Variants in EDDM13 observed in about 807,000 individuals in gnomAD.
EDDM13 encodes the protein epididymal protein 13.
In EDDM13, 24 loss-of-function variants were observed where a neutral mutation model predicts 17.8. The observed-to-expected ratio is 1.35, with a 90% confidence interval of 0.98 to 1.90. The LOEUF (loss-of-function observed/expected upper bound fraction) is 1.90, where lower values mean the gene tolerates loss of function less well. Ranked by LOEUF, EDDM13 falls within the 40% of genes most tolerant of loss-of-function variation. The probability of loss-of-function intolerance (pLI) is 0.00; values close to 1 mark genes in which losing one functional copy is unlikely to be tolerated. For missense variants in EDDM13, 97 were observed against 100.8 expected (o/e 0.96, Z 0.16); for synonymous variants, 31 against 37.5 (o/e 0.83, Z 0.63).
chr19:56,281,330 C>T (rs1455169064), intron 2 of EDDM13, among the ~76,000 whole-genome samples: 3 of 148,560 alleles, frequency 2.0e-5, no homozygotes, highest in African/African-American at 7.5e-5. Flanking sequence ...TAGTTCAAAC[C>T]TGTATTGTTC....
intron 2 of EDDM13, among the ~76,000 whole-genome samples, chr19:56,279,339 T>G (rs2038504652): frequency 6.6e-6 from 1 of 152,174 alleles, no homozygotes; most frequent in Admixed American, 6.5e-5. Context: ...GCAGGGACTG[T>G]ACTTTACTCA....
chr19:56,276,008 T>TG (rs2038219794), intron 1 of EDDM13, among the ~76,000 whole-genome samples, 84 bp from the exon 2 acceptor site: 1 of 152,228 alleles, frequency 6.6e-6, no homozygotes, highest in South Asian at 2.1e-4. Context: ...TCTTGGTTAT[T>TG]GCACTGATCT....
intron 12 of EDDM13, among the ~76,000 whole-genome samples, chr19:56,298,809 C>T (rs1175756073): frequency 6.6e-6 from 1 of 152,092 alleles, no homozygotes; most frequent in African/African-American, 2.4e-5. Context: ...GGAAATCTTC[C>T]AGAAAATTAA....
At chr19:56,285,053 C>T (rs1600184066) in intron 6 of EDDM13, 29 bp downstream of exon 6, 1 of 983,142 alleles carries the variant, frequency 1.0e-6, no homozygotes, top group Non-Finnish European at 1.2e-6. Flanking sequence ...TCTTTTAAAC[C>T]TGGTCTTTCT....
At chr19:56,297,365 T>C (rs932043596) in intron 11 of EDDM13, 140 bp from the exon 12 acceptor site, 1 of 165,428 alleles carries the variant, frequency 6.0e-6, no homozygotes, top group African/African-American at 2.4e-5. Flanking sequence ...TCTCCTCCTC[T>C]TCCTCTTCCT....
chr19:56,297,122 G>A (rs1043518540), intron 11 of EDDM13, among the ~76,000 whole-genome samples: 1 of 152,078 alleles, frequency 6.6e-6, no homozygotes, highest in Non-Finnish European at 1.5e-5. Flanking sequence ...GTGAGCAAAG[G>A]CTTGAAGAAG....
At chr19:56,288,262 C>G (rs577841572) in intron 6 of EDDM13, among the ~76,000 whole-genome samples, 123 bp from the exon 7 acceptor site, 1 of 152,186 alleles carries the variant, frequency 6.6e-6, no homozygotes, top group African/African-American at 2.4e-5. Context: ...CTCCTTCAAG[C>G]CCCCGGCAGC....
Position 56,302,064 on chromosome 19 carries a change from A to G in EDDM13, c.392A>G (p.Tyr131Cys), listed in dbSNP as rs908571623. ...FLKCAYMVMT[Y>C]LFVSYNKGDW... The stretch of plus-strand genomic sequence containing the variant: ...AAATGCGCCTACATGGTGATGACCT[A>G]CCTCTTCGTATCCTACAACAAAGGG... The change falls in exon 13 of 15, where the codon TAC (tyrosine) becomes TGC (cysteine). Residue 131 changes from tyrosine to cysteine, a missense_variant. Physicochemically the swap from Tyr to Cys is radical, Grantham distance 194 (BLOSUM62 -2). Transcript: ENST00000649256. 3.2e-6 allele frequency: 4 copies of G among 1,231,646 alleles called. No homozygotes were observed. The African/African-American group carries it at 4.7e-5, about 14-fold the overall frequency. The allele number at this position is 1,231,646 out of a possible 1,614,324, so 76.3% of individuals were successfully genotyped here.
At chr19:56,279,980 C>T (rs987285399) in intron 2 of EDDM13, among the ~76,000 whole-genome samples, 2 of 151,968 alleles carry the variant, frequency 1.3e-5, no homozygotes, top group African/African-American at 4.8e-5. Flanking sequence ...AATAAGATTT[C>T]CAGGGTTCAG....
At chr19:56,273,470 T>TGACAGACAGAAAC (rs11276314) in intron 1 of EDDM13, among the ~76,000 whole-genome samples, 1 of 151,668 alleles carries the variant, frequency 6.6e-6, no homozygotes, top group Non-Finnish European at 1.5e-5. Flanking sequence ...GTGATGAAAA[T>TGACAGACAGAAAC]AGTTCTGTCT....
intron 2 of EDDM13, among the ~76,000 whole-genome samples, chr19:56,277,558 T>C (rs915731892): frequency 6.6e-6 from 1 of 151,862 alleles, no homozygotes; most frequent in African/African-American, 2.4e-5. Context: ...TTAGAGACAA[T>C]GACTAAGGGG....
At chr19:56,301,471 T>C (rs1213423026) in intron 12 of EDDM13, among the ~76,000 whole-genome samples, 2 of 152,160 alleles carry the variant, frequency 1.3e-5, no homozygotes, top group African/African-American at 2.4e-5. Context: ...CAGAGGTCAC[T>C]TGAATCGCTA....
At chr19:56,279,313 T>G (rs895423853) in intron 2 of EDDM13, among the ~76,000 whole-genome samples, 2 of 152,136 alleles carry the variant, frequency 1.3e-5, no homozygotes, top group Admixed American at 1.3e-4. Flanking sequence ...ACTGCAAGAC[T>G]GTAAGTTCCT....
At chr19:56,302,648 TCCCCC>T (rs201988390) in intron 13 of EDDM13, among the ~76,000 whole-genome samples, 1 of 119,990 alleles carries the variant, frequency 8.3e-6, no homozygotes, top group Non-Finnish European at 1.7e-5. Flanking sequence ...TTCCTTTTCT[TCCCCC>T]CCTCCCTGTT....
rs78470743 is a variant in EDDM13, at chr19:56,293,104, T to C, written c.232+2258T>C. Among the ~76,000 whole-genome samples the C allele has an allele frequency of 9.0e-3, 1,367 of 152,274 alleles. 20 individuals carry two copies. The highest frequency in any genetic ancestry group is 0.031 in the African/African-American group (1,304 of 41,540). ...CACCCACCTCCAAACCCCACTTCTA[T>C]GCAGCTTGAGCCTCAGTGAAACCCA... On this transcript the variant is annotated intron_variant, in intron 9 of 14. Coordinates refer to ENST00000649256, the MANE Select transcript of EDDM13 (RefSeq NM_001354658.2).
chr19:56,287,658 C>T (rs557628215), intron 6 of EDDM13, among the ~76,000 whole-genome samples: 10 of 152,210 alleles, frequency 6.6e-5, no homozygotes, highest in Middle Eastern at 6.8e-3. Flanking sequence ...GGTATAATAA[C>T]GGCAGGGGGT....
intron 13 of EDDM13, among the ~76,000 whole-genome samples, chr19:56,302,545 G>GTTCCTCCCTCCCCCCCCCCTTCCTTTTC (rs1555807454): frequency 4.6e-5 from 1 of 21,592 alleles, no homozygotes; most frequent in Non-Finnish European, 9.7e-5. Context: ...CTTCCTCCCC[G>GTTCCTCCCTCCCCCCCCCCTTCCTTTTC]TTCCTCCCTC....
At chr19:56,301,566 C>G (rs2040233658) in intron 12 of EDDM13, among the ~76,000 whole-genome samples, 1 of 152,132 alleles carries the variant, frequency 6.6e-6, no homozygotes, top group Non-Finnish European at 1.5e-5. Flanking sequence ...TTGTGCCAAC[C>G]TCCTATTGTC....
At chr19:56,275,213 C>T (rs959448547) in intron 1 of EDDM13, among the ~76,000 whole-genome samples, 31 of 152,160 alleles carry the variant, frequency 2.0e-4, no homozygotes, top group Admixed American at 6.5e-4. Flanking sequence ...TGAGGCTATG[C>T]GAATACCCTG....
Sources: gnomAD v4.1 joint callset for allele counts (sites outside exome capture counted in the v4.1 genomes callset) on GRCh38, gnomAD v4.1.1 for gene constraint, MANE v1.5 for transcripts, NCBI Gene and HGNC (gene_info 2026-07-23, HGNC 2026-07-21) for gene names.